PAK1: variants seen among roughly 807,000 people sequenced by gnomAD.
PAK1 encodes serine/threonine-protein kinase PAK 1.
PAK1 carries 29 observed loss-of-function variants against 67.4 expected under a neutral mutation model. The ratio of observed to expected loss-of-function variants is 0.43; its 90% CI spans 0.32 to 0.59. The LOEUF (loss-of-function observed/expected upper bound fraction) is 0.59, where lower values mean the gene tolerates loss of function less well. Ranked by LOEUF, PAK1 falls within the 20% of genes least tolerant of loss-of-function variation. The pLI, the probability that PAK1 is intolerant of heterozygous loss-of-function variation, is 0.07. For missense variants in PAK1, 337 were observed against 670.7 expected (o/e 0.50, Z 5.50); for synonymous variants, 223 against 237.4 (o/e 0.94, Z 0.56).
chr11:77,355,221 T>C lies in PAK1; in HGVS notation c.772+447A>G, dbSNP rs573760312. ...TTTGCTTGTCATTTGATACATACTA[T>C]AGGTTCATAAAATGTTAACTTCCCT... On this transcript the variant is annotated intron_variant, in intron 7 of 14. Coordinates refer to ENST00000356341, the MANE Select transcript of PAK1 (RefSeq NM_002576.5). Among the ~76,000 whole-genome samples, 4 of 152,256 alleles carry C rather than the reference T, an allele frequency of 2.6e-5. 1 individual carries two copies. The South Asian group carries it at 8.3e-4, about 32-fold the overall frequency.
chr11:77,382,325 T>A (rs936946798), intron 2 of PAK1, among the ~76,000 whole-genome samples: 6 of 152,190 alleles, frequency 3.9e-5, no homozygotes, highest in Non-Finnish European at 5.9e-5. Flanking sequence ...CTGCTTCTAC[T>A]GAGCACTCTT....
the PAK1 span, among the ~76,000 whole-genome samples, chr11:77,515,840 A>T: frequency 6.6e-6 from 1 of 152,190 alleles, no homozygotes; most frequent in African/African-American, 2.4e-5. Context: ...CAATTCCAAG[A>T]GCACTGCTGC....
At chr11:77,515,406 T>C in the PAK1 span, among the ~76,000 whole-genome samples, 1 of 152,242 alleles carries the variant, frequency 6.6e-6, no homozygotes. Flanking sequence ...GCTGATATGT[T>C]TTCCCTGAAG....
the PAK1 span, chr11:77,514,816 G>A: frequency 6.9e-4 from 28 of 40,534 alleles, no homozygotes; most frequent in African/African-American, 2.8e-3. Context: ...AACTTAATAA[G>A]CATCATCTCA....
chr11:77,356,124 T>A (rs1284993756), intron 6 of PAK1: 2 of 260,750 alleles, frequency 7.7e-6, no homozygotes, highest in East Asian at 1.3e-4. Flanking sequence ...AAGACAATTC[T>A]ATTAGATAAG....
intron 5 of PAK1, among the ~76,000 whole-genome samples, chr11:77,367,748 G>A (rs1395377279): frequency 1.3e-5 from 2 of 152,210 alleles, no homozygotes; most frequent in African/African-American, 4.8e-5. Flanking sequence ...GGAGGCTGAG[G>A]CGGGCAGATC....
At chr11:77,463,804 A>T (rs1200858720) in intron 1 of PAK1, among the ~76,000 whole-genome samples, 1 of 151,874 alleles carries the variant, frequency 6.6e-6, no homozygotes, top group Non-Finnish European at 1.5e-5. Flanking sequence ...ACTTCATCTC[A>T]TACCATTTAC....
intron 13 of PAK1, among the ~76,000 whole-genome samples, chr11:77,333,652 G>C (rs973194013): frequency 6.6e-6 from 1 of 152,154 alleles, no homozygotes; most frequent in Non-Finnish European, 1.5e-5. Flanking sequence ...AATATTAAAT[G>C]TAAGTGAAAA....
rs1166266275 is a variant in PAK1 at position 77,473,829 on chromosome 11, G to C, written c.-299C>G. The stretch of plus-strand genomic sequence containing the variant: ...AGGGCTCAGATGGCCTCTGAGGCAG[G>C]AGGTGGTAACTGGATGCGGAGACCA... On this transcript the variant is annotated 5_prime_UTR_variant, in exon 1 of 15. Coordinates refer to ENST00000356341, the MANE Select transcript of PAK1 (RefSeq NM_002576.5). The C allele has an allele frequency of 6.6e-6, 1 of 152,112 alleles. No homozygotes were observed. The highest frequency in any genetic ancestry group is 1.5e-5 in the Non-Finnish European group (1 of 68,204). 9.4% of individuals were successfully genotyped at this position (152,112 alleles called of 1,614,324 possible). A position where few individuals can be genotyped will look rare whatever the true frequency, so the allele number is the denominator to read the frequency against.
intron 9 of PAK1, chr11:77,346,952 T>C (rs1329509628): frequency 2.2e-6 from 1 of 449,712 alleles, no homozygotes; most frequent in African/African-American, 2.0e-5. Flanking sequence ...CTGGAAGACT[T>C]CCCAGCACTA....
At chr11:77,392,260 CT>C (rs1474829118) in intron 2 of PAK1, 70 bp downstream of exon 2, 51 of 1,080,100 alleles carry the variant, frequency 4.7e-5, no homozygotes, top group Non-Finnish European at 6.2e-5. Flanking sequence ...GACAACAGAT[CT>C]TTTATCCAGG....
intron 1 of PAK1, among the ~76,000 whole-genome samples, chr11:77,468,975 A>G (rs1458275026): frequency 1.3e-5 from 2 of 152,168 alleles, no homozygotes; most frequent in African/African-American, 4.8e-5. Flanking sequence ...AATAACATCC[A>G]GGAAAGATGT....
chr11:77,416,708 C>T (rs978321146), intron 1 of PAK1, among the ~76,000 whole-genome samples: 2 of 152,224 alleles, frequency 1.3e-5, no homozygotes, highest in African/African-American at 2.4e-5. Flanking sequence ...AATCCCAGCA[C>T]TTTGGGAGGC....
At chr11:77,424,321 C>T (rs1005638652) in intron 1 of PAK1, among the ~76,000 whole-genome samples, 4 of 152,186 alleles carry the variant, frequency 2.6e-5, no homozygotes, top group South Asian at 2.1e-4. Context: ...CTGGGCATAT[C>T]GGATTGGTGA....
chr11:77,463,463 A>T (rs1380449693), intron 1 of PAK1, among the ~76,000 whole-genome samples: 1 of 152,234 alleles, frequency 6.6e-6, no homozygotes, highest in African/African-American at 2.4e-5. Context: ...TTTATGAAAA[A>T]TTCAGTCTTT....
chr11:77,456,544 A>C (rs1304922218), intron 1 of PAK1, among the ~76,000 whole-genome samples: 1 of 152,282 alleles, frequency 6.6e-6, no homozygotes, highest in East Asian at 1.9e-4. Flanking sequence ...ATTAGGAACA[A>C]AGGTTTTGAG....
chr11:77,514,232 G>A, the PAK1 span, among the ~76,000 whole-genome samples: 3 of 152,138 alleles, frequency 2.0e-5, no homozygotes, highest in East Asian at 1.9e-4. Flanking sequence ...GGTGGCTAAC[G>A]CCTGTAATCC....
chr11:77,508,701 C>T, the PAK1 span, among the ~76,000 whole-genome samples: 2 of 149,208 alleles, frequency 1.3e-5, no homozygotes, highest in Non-Finnish European at 1.5e-5. Context: ...GCTCTGTCTC[C>T]CAGGCTGAAG....
chr11:77,405,726 C>G (rs997495998), intron 1 of PAK1, among the ~76,000 whole-genome samples: 1 of 151,180 alleles, frequency 6.6e-6, no homozygotes, highest in African/African-American at 2.4e-5. Flanking sequence ...CTTCCCTTGA[C>G]ACCCACATCC....
Sources: gnomAD v4.1 joint callset for allele counts (sites outside exome capture counted in the v4.1 genomes callset) on GRCh38, gnomAD v4.1.1 for gene constraint, MANE v1.5 for transcripts, NCBI Gene and HGNC (gene_info 2026-07-23, HGNC 2026-07-21) for gene names.